The following ITGAE variants were observed in gnomAD, a reference collection of about 807,000 sequenced individuals.
ITGAE encodes the protein integrin alpha-E.
Under a neutral mutation model 136.5 loss-of-function variants are expected in ITGAE, and 99 were observed. The ratio of observed to expected loss-of-function variants is 0.73; its 90% confidence interval spans 0.62 to 0.86. The LOEUF (loss-of-function observed/expected upper bound fraction) is 0.86, where lower values mean the gene tolerates loss of function less well. Among genes scored for constraint, ITGAE ranks in the 40% least tolerant of loss-of-function variants. ITGAE has a pLI of 0.00. For synonymous variants in ITGAE, 613 were observed against 591.8 expected (o/e 1.04, Z -0.52); for missense variants, 1,447 against 1,515.3 (o/e 0.95, Z 0.75).
At position 3,798,957 on chromosome 17, in the gene ITGAE, G is replaced by C. The variant is rs188862378; in HGVS notation, c.34+2154C>G. On this transcript the variant is annotated intron_variant, in intron 1 of 30. Transcript: ENST00000263087. The surrounding 1 kb of genome is among the most constrained non-coding windows in gnomAD (Gnocchi z 4.3). ...TTAGACAACTGCTATTATTCCGTCT[G>C]CTGCCACAAATAAGAAGTAGGCATC... Among the ~76,000 whole-genome samples the C allele has an allele frequency of 2.0e-5, 3 of 152,160 alleles. No individual in the cohort carries two copies. Among genetic ancestry groups the C allele is most frequent in the Admixed American group, 1.3e-4 (2 of 15,276 alleles).
chr17:3,780,411 C>A (rs1354151449), intron 1 of ITGAE, among the ~76,000 whole-genome samples: 1 of 152,096 alleles, frequency 6.6e-6, no homozygotes, highest in Non-Finnish European at 1.5e-5. Flanking sequence ...GATCCGCCCA[C>A]CTCGGCCTCC....
chr17:3,780,742 C>G (rs1364961696), intron 1 of ITGAE, among the ~76,000 whole-genome samples: 1 of 152,024 alleles, frequency 6.6e-6, no homozygotes, highest in African/African-American at 2.4e-5. Context: ...ACTCTGTTGC[C>G]CTGGCTGGAG....
intron 17 of ITGAE, among the ~76,000 whole-genome samples, chr17:3,746,430 T>C (rs2051715547): frequency 6.6e-6 from 1 of 151,502 alleles, no homozygotes; most frequent in Non-Finnish European, 1.5e-5. Flanking sequence ...AAGGGACAGG[T>C]CTGTTATTTT....
chr17:3,748,612 T>A (rs1202567085), intron 16 of ITGAE, among the ~76,000 whole-genome samples: 1 of 151,868 alleles, frequency 6.6e-6, no homozygotes, highest in African/African-American at 2.4e-5. Context: ...AATACGGTAA[T>A]AAGGACCGAG....
At chr17:3,790,491 G>A (rs1244076834) in intron 1 of ITGAE, among the ~76,000 whole-genome samples, 1 of 149,842 alleles carries the variant, frequency 6.7e-6, no homozygotes, top group Admixed American at 6.7e-5. Context: ...TGGTGATAGA[G>A]CAAGACTCCG....
At chr17:3,758,008 T>A in intron 8 of ITGAE, 149 bp from the exon 9 acceptor site, 2 of 893,802 alleles carry the variant, frequency 2.2e-6, no homozygotes, top group Non-Finnish European at 3.4e-6. Flanking sequence ...CCCCCTTAAG[T>A]CACGCAGCGA....
chr17:3,782,815 G>A (rs17823010), intron 1 of ITGAE, among the ~76,000 whole-genome samples: 15,328 of 151,960 alleles, frequency 0.1, 890 homozygotes, highest in East Asian at 0.18. Context: ...TGACTTTTTC[G>A]TCTCTAAATA....
chr17:3,760,283 G>C lies in ITGAE; in HGVS notation c.603C>G (p.Thr201=), dbSNP rs200296046. The C allele has an allele frequency of 6.6e-5, 106 of 1,608,534 alleles. No individual in the cohort carries two copies. The highest frequency in any genetic ancestry group is 3.2e-4 in the Admixed American group (19 of 59,894). ...AGCCATCCAGGATGATGGCAATCTCGGTGCCTGGCCAAGACAAACAGGTCA... is the reference window on the plus strand; with the variant it reads ...AGCCATCCAGGATGATGGCAATCTCCGTGCCTGGCCAAGACAAACAGGTCA... ...EEDEEEEEAG[T]EIAIILDGSG... The change falls in exon 7 of 31, where the codon ACC becomes ACG. Residue 201 remains threonine, a synonymous_variant. Coordinates refer to ENST00000263087, the MANE Select transcript of ITGAE (RefSeq NM_002208.5).
At chr17:3,716,164 C>A (rs1395475015) in intron 30 of ITGAE, among the ~76,000 whole-genome samples, 1 of 123,536 alleles carries the variant, frequency 8.1e-6, no homozygotes, top group Non-Finnish European at 1.7e-5. Flanking sequence ...GAGCGGAACT[C>A]CGTCTCAAAA....
chr17:3,759,374 G>A, intron 8 of ITGAE, 28 bp downstream of exon 8: 2 of 1,606,710 alleles, frequency 1.2e-6, no homozygotes, highest in Non-Finnish European at 1.7e-6. Context: ...GGCATGGCCA[G>A]AATAATTCCT....
At position 3,745,033 on chromosome 17, in the gene ITGAE, C is replaced by T. The variant is rs183231540; in HGVS notation, c.2319+731G>A. On this transcript the variant is annotated intron_variant, in intron 18 of 30. Transcript: ENST00000263087. ...TCATGCATTTGTTTATTGGAATAAA[C>T]GATCCATATAGATCCAAAGTTCGAG... Among the ~76,000 whole-genome samples, 90 of 152,210 alleles carry T rather than the reference C, an allele frequency of 5.9e-4. 1 individual carries two copies. The South Asian group carries it at 0.013, about 23-fold the overall frequency.
intron 1 of ITGAE, among the ~76,000 whole-genome samples, chr17:3,794,822 G>A (rs1225175620): frequency 6.6e-6 from 1 of 152,194 alleles, no homozygotes; most frequent in African/African-American, 2.4e-5. Context: ...TACGAGGGGT[G>A]GGTGGGGGGC....
intron 1 of ITGAE, among the ~76,000 whole-genome samples, chr17:3,795,520 G>A (rs568423976): frequency 1.3e-5 from 2 of 152,310 alleles, no homozygotes; most frequent in African/African-American, 4.8e-5. Flanking sequence ...ATGGCCCGTC[G>A]GAAGATTGAA....
At chr17:3,726,272 G>A (rs772384028) in intron 26 of ITGAE, 2 of 1,614,038 alleles carry the variant, frequency 1.2e-6, no homozygotes. Flanking sequence ...AGTTCCACAG[G>A]ACAATGCTGA....
At chr17:3,796,730 C>T (rs1271430936) in intron 1 of ITGAE, among the ~76,000 whole-genome samples, 1 of 152,138 alleles carries the variant, frequency 6.6e-6, no homozygotes, top group African/African-American at 2.4e-5. Flanking sequence ...GATCCCCCTC[C>T]ATCCTGTCAG....
rs1436614743 is a variant in ITGAE, at chr17:3,757,378, C to T, written c.1021-244G>A. Among the ~76,000 whole-genome samples, 3 of 152,190 alleles carry T rather than the reference C, an allele frequency of 2.0e-5. 1 individual carries two copies. Among genetic ancestry groups the T allele is most frequent in the Non-Finnish European group, 4.4e-5 (3 of 68,036 alleles). On this transcript the variant is annotated intron_variant, in intron 9 of 30. Transcript: ENST00000263087. ...ACCTCTGCACATGCTGTTCCCTCTGCCTGCAGGGCCCCTCTCTGCCTCCCC... is the reference window on the plus strand; with the variant it reads ...ACCTCTGCACATGCTGTTCCCTCTGTCTGCAGGGCCCCTCTCTGCCTCCCC...
intron 2 of ITGAE, among the ~76,000 whole-genome samples, chr17:3,765,137 CAGG>C (rs1262881426): frequency 2.6e-5 from 4 of 152,024 alleles, no homozygotes; most frequent in Admixed American, 2.6e-4. Flanking sequence ...ATCACGAGGT[CAGG>C]AGATCGAGAC....
intron 21 of ITGAE, among the ~76,000 whole-genome samples, chr17:3,734,603 C>T (rs549774084): frequency 7.9e-5 from 12 of 152,262 alleles, no homozygotes; most frequent in South Asian, 2.1e-4. Flanking sequence ...AAGAAAGGGC[C>T]GCACATAGGG....
chr17:3,748,119 T>G (rs1326466365), intron 16 of ITGAE, 67 bp from the exon 17 acceptor site: 17 of 1,515,790 alleles, frequency 1.1e-5, no homozygotes, highest in East Asian at 2.4e-5. Flanking sequence ...CCTGGCTGAT[T>G]GGTTCATGCA....
Sources: gnomAD v4.1 joint callset for allele counts (sites outside exome capture counted in the v4.1 genomes callset) on GRCh38, gnomAD v4.1.1 for gene constraint, Gnocchi (gnomAD v3.1) non-coding constraint, MANE v1.5 for transcripts, NCBI Gene and HGNC (gene_info 2026-07-23, HGNC 2026-07-21) for gene names.